Variants in MEGF11 observed in about 807,000 individuals in gnomAD.
MEGF11 encodes multiple epidermal growth factor-like domains protein 11.
Under a neutral mutation model 146.6 loss-of-function variants are expected in MEGF11, and 126 were observed. The observed-to-expected ratio is 0.86, with a 90% CI of 0.74 to 1.00. MEGF11 has a LOEUF of 1.00. MEGF11 is among the 50% of genes least tolerant of loss of function. MEGF11 has a pLI of 0.00. For missense variants in MEGF11, 1,509 were observed against 1,521.2 expected (o/e 0.99, Z 0.13); for synonymous variants, 532 against 583.4 (o/e 0.91, Z 1.27).
intron 5 of MEGF11, among the ~76,000 whole-genome samples, chr15:66,052,395 G>A (rs1194241539): frequency 6.6e-6 from 1 of 152,174 alleles, no homozygotes; most frequent in East Asian, 1.9e-4. Flanking sequence ...ATGCCTGGGT[G>A]TTTGGGAAGA....
chr15:65,929,140 C>T (rs1443523416), intron 12 of MEGF11, among the ~76,000 whole-genome samples: 1 of 152,148 alleles, frequency 6.6e-6, no homozygotes, highest in Non-Finnish European at 1.5e-5. Flanking sequence ...AAGATTTGAA[C>T]CCAGGATTGC....
intron 1 of MEGF11, among the ~76,000 whole-genome samples, chr15:66,165,643 TCTCTC>T (rs1429762634): frequency 6.6e-6 from 1 of 152,128 alleles, no homozygotes; most frequent in Non-Finnish European, 1.5e-5. Context: ...AGTCTCTTCT[TCTCTC>T]CTCTATTTCC....
At chr15:66,214,279 C>G (rs991954420) in intron 1 of MEGF11, among the ~76,000 whole-genome samples, 1 of 152,026 alleles carries the variant, frequency 6.6e-6, no homozygotes, top group African/African-American at 2.4e-5. Context: ...AGGTGGTCTG[C>G]GCCTCAGCCT....
intron 15 of MEGF11, 30 bp from the exon 16 acceptor site, chr15:65,918,124 C>A: frequency 1.2e-6 from 2 of 1,612,294 alleles, no homozygotes; most frequent in Admixed American, 3.3e-5. Context: ...TGGCACCCAT[C>A]CTCCCACCTG....
chr15:66,163,813 C>G (rs528097662), intron 1 of MEGF11, among the ~76,000 whole-genome samples: 25 of 152,346 alleles, frequency 1.6e-4, no homozygotes, highest in Admixed American at 1.3e-3. Flanking sequence ...GAGTGAAGAT[C>G]AGTCCTCTGG....
intron 5 of MEGF11, among the ~76,000 whole-genome samples, chr15:66,028,856 C>T (rs541570953): frequency 1.4e-4 from 21 of 152,096 alleles, no homozygotes; most frequent in African/African-American, 4.3e-4. Flanking sequence ...CTATGCAAAA[C>T]GAAATTAATT....
intron 5 of MEGF11, among the ~76,000 whole-genome samples, chr15:66,055,497 C>T (rs913505418): frequency 2.6e-5 from 4 of 152,226 alleles, no homozygotes; most frequent in Non-Finnish European, 4.4e-5. Context: ...CGTTCGGTAG[C>T]GTGTGTTTGT....
chr15:66,209,919 A>C (rs1434265595), intron 1 of MEGF11, among the ~76,000 whole-genome samples: 1 of 151,968 alleles, frequency 6.6e-6, no homozygotes, highest in Non-Finnish European at 1.5e-5. Context: ...TCCTGGGCTC[A>C]AGTGATCCTC....
In MEGF11 at chr15:66,128,327, T is replaced by A. The variant is rs1373108672; in HGVS notation, c.77A>T (p.Asn26Ile). ...TTACCTCTCCCAGTGGCTGCACACG[T>A]TGGGGTCCTCGGGGTTCAGGGCAAG... Reference protein sequence around the residue: ...ATLALNPEDPNVCSHWESYAV... With the variant: ...ATLALNPEDPIVCSHWESYAV... Residue 26 changes from asparagine (N) to isoleucine (I), a missense_variant, in exon 2 of 26, where the codon AAC (asparagine) becomes ATC (isoleucine). Transcript: ENST00000395614. 6.6e-7 allele frequency: 1 copy of A among 1,522,530 alleles called. No individual in the cohort carries two copies. Among genetic ancestry groups the A allele is most frequent in the East Asian group, 2.6e-5 (1 of 38,220 alleles). The allele number at this position is 1,522,530 out of a possible 1,614,324, so 94.3% of individuals were successfully genotyped here. A position where few individuals can be genotyped will look rare whatever the true frequency, so the allele number is the denominator to read the frequency against.
intron 1 of MEGF11, among the ~76,000 whole-genome samples, chr15:66,227,736 T>G (rs1180593615): frequency 6.6e-6 from 1 of 152,252 alleles, no homozygotes; most frequent in African/African-American, 2.4e-5. Context: ...CTTCTGCTGT[T>G]TGGGACATGC....
At chr15:66,062,982 G>T (rs540548788) in intron 5 of MEGF11, among the ~76,000 whole-genome samples, 2 of 152,224 alleles carry the variant, frequency 1.3e-5, no homozygotes, top group Non-Finnish European at 2.9e-5. Context: ...TTAAATTATG[G>T]AAAAGAGTGT....
rs566062985 is a variant in MEGF11 at position 66,113,508 on chromosome 15, AGTGAGGCAT to A, written c.301+5569_301+5577del. On this transcript the variant is annotated intron_variant, in intron 4 of 25. Coordinates refer to ENST00000395614, the MANE Select transcript of MEGF11 (RefSeq NM_001385028.1). ...TAGACTCCCCCTCCTTGCCCGCTGC[AGTGAGGCAT>A]GCTTTCTCCCTGCTGCCGCCCGCAG... Among the ~76,000 whole-genome samples, 645 of 152,334 alleles carry A rather than the reference AGTGAGGCAT, an allele frequency of 4.2e-3. 4 individuals are homozygous for A. Among genetic ancestry groups the A allele is most frequent in the Non-Finnish European group, 6.8e-3 (460 of 68,024 alleles).
chr15:66,159,717 G>T (rs1488310336), intron 1 of MEGF11, among the ~76,000 whole-genome samples: 1 of 152,170 alleles, frequency 6.6e-6, no homozygotes, highest in Admixed American at 6.5e-5. Context: ...TGATCTTGGT[G>T]CAGTGGTACC....
At chr15:66,072,013 A>G (rs181507329) in intron 5 of MEGF11, among the ~76,000 whole-genome samples, 37 of 152,210 alleles carry the variant, frequency 2.4e-4, no homozygotes, top group African/African-American at 7.7e-4. Context: ...GCTCTCCAGG[A>G]GCTCTTCCCT....
chr15:66,195,200 G>T (rs973500148), intron 1 of MEGF11, among the ~76,000 whole-genome samples: 2 of 152,112 alleles, frequency 1.3e-5, no homozygotes, highest in African/African-American at 4.8e-5. Context: ...TGGATTTAGG[G>T]CCCACCCATA....
At chr15:65,906,030 C>T in intron 24 of MEGF11, 55 bp downstream of exon 24, 1 of 1,436,410 alleles carries the variant, frequency 7.0e-7, no homozygotes, top group Non-Finnish European at 9.7e-7. Context: ...TTCAGATCTG[C>T]ACTCTTTATC....
chr15:66,119,218 T>C (rs945153645), intron 3 of MEGF11, 32 bp from the exon 4 acceptor site: 2 of 1,440,360 alleles, frequency 1.4e-6, no homozygotes, highest in African/African-American at 1.4e-5. Context: ...CACTTGAAAG[T>C]ATTGAAAATC....
intron 5 of MEGF11, among the ~76,000 whole-genome samples, chr15:66,033,145 C>T (rs1407986507): frequency 2.7e-5 from 4 of 149,206 alleles, no homozygotes; most frequent in Non-Finnish European, 4.4e-5. Flanking sequence ...GCAGCCTAGT[C>T]ATGCAAAGAG....
intron 4 of MEGF11, among the ~76,000 whole-genome samples, chr15:66,102,993 G>A (rs1035177630): frequency 6.6e-6 from 1 of 152,206 alleles, no homozygotes; most frequent in Admixed American, 6.5e-5. Context: ...CTTTTCACAA[G>A]TGGAAAGCAC....
Sources: allele counts gnomAD v4.1 joint callset (sites outside exome capture counted in the v4.1 genomes callset), GRCh38; gene constraint gnomAD v4.1.1; transcripts MANE v1.5; gene names NCBI Gene and HGNC (gene_info 2026-07-23, HGNC 2026-07-21).